NTNG1: variants seen among roughly 807,000 people sequenced by gnomAD.
NTNG1 encodes netrin G1.
A neutral mutation model predicts 54.0 loss-of-function variants in NTNG1; 16 were observed. The ratio of observed to expected loss-of-function variants is 0.30; its 90% CI spans 0.20 to 0.45. The LOEUF is 0.45. NTNG1 is among the 20% of genes least tolerant of loss of function. NTNG1 has a pLI of 1.00. For synonymous variants in NTNG1, 255 were observed against 263.1 expected (o/e 0.97, Z 0.30); for missense variants, 530 against 678.7 (o/e 0.78, Z 2.43).
intron 2 of NTNG1, among the ~76,000 whole-genome samples, chr1:107,275,524 T>C (rs1664411377): frequency 6.6e-6 from 1 of 151,958 alleles, no homozygotes; most frequent in South Asian, 2.1e-4. Context: ...CCAGTCTGAG[T>C]CCAAAGAGCT....
chr1:107,199,466 C>T (rs530666508), intron 2 of NTNG1, among the ~76,000 whole-genome samples: 11 of 151,966 alleles, frequency 7.2e-5, no homozygotes, highest in African/African-American at 2.7e-4. Flanking sequence ...CATTGCAAAA[C>T]ATTTGCTTAT....
At chr1:107,225,742 C>G (rs10881458) in intron 2 of NTNG1, among the ~76,000 whole-genome samples, 18,227 of 152,192 alleles carry the variant, frequency 0.12, 1,535 homozygotes, top group East Asian at 0.42. Flanking sequence ...CTAGGAAGTT[C>G]TCATGTGTGT....
At chr1:107,292,571 A>C (rs1340829973) in intron 2 of NTNG1, among the ~76,000 whole-genome samples, 1 of 152,120 alleles carries the variant, frequency 6.6e-6, no homozygotes, top group Non-Finnish European at 1.5e-5. Context: ...GCTGGTGATC[A>C]ACACTTTCCC....
At chr1:107,281,227 A>G (rs375356191) in intron 2 of NTNG1, among the ~76,000 whole-genome samples, 1 of 152,238 alleles carries the variant, frequency 6.6e-6, no homozygotes, top group African/African-American at 2.4e-5. Context: ...CTTCCACACA[A>G]TTATGTACAT....
At chr1:107,161,939 GA>G (rs5776880) in intron 2 of NTNG1, among the ~76,000 whole-genome samples, 3 of 147,012 alleles carry the variant, frequency 2.0e-5, no homozygotes, top group Non-Finnish European at 4.5e-5. Context: ...CCATCCTGGA[GA>G]AAAAAAAAAC....
At chr1:107,360,844 A>G (rs1268238748) in intron 3 of NTNG1, among the ~76,000 whole-genome samples, 1 of 152,114 alleles carries the variant, frequency 6.6e-6, no homozygotes, top group Non-Finnish European at 1.5e-5. Flanking sequence ...GTCACCAGTC[A>G]CTGAGTATCT....
intron 7 of NTNG1, among the ~76,000 whole-genome samples, chr1:107,462,136 G>A (rs1677317964): frequency 6.6e-6 from 1 of 152,178 alleles, no homozygotes; most frequent in African/African-American, 2.4e-5. Flanking sequence ...CTGAAGCAAG[G>A]ATGCACTTTT....
chr1:107,329,448 A>G (rs1483732658), intron 3 of NTNG1, among the ~76,000 whole-genome samples: 2 of 152,190 alleles, frequency 1.3e-5, no homozygotes, highest in Admixed American at 1.3e-4. Context: ...CAACTTCCAC[A>G]TGGTTAGTGC....
intron 3 of NTNG1, among the ~76,000 whole-genome samples, chr1:107,329,315 C>T (rs1433977915): frequency 6.6e-6 from 1 of 152,158 alleles, no homozygotes; most frequent in East Asian, 1.9e-4. Context: ...AGGAGTGAGG[C>T]AGGCCCCCTA....
At chr1:107,477,229 C>T (rs1487287087) in intron 7 of NTNG1, among the ~76,000 whole-genome samples, 1 of 152,164 alleles carries the variant, frequency 6.6e-6, no homozygotes, top group Non-Finnish European at 1.5e-5. Context: ...GAGGCTTAAA[C>T]CTCTAGGGAA....
chr1:107,444,458 C>G (rs1676186850), intron 7 of NTNG1, among the ~76,000 whole-genome samples: 1 of 152,098 alleles, frequency 6.6e-6, no homozygotes. Context: ...CCCACAGCTC[C>G]TGAATTGCTG....
chr1:107,357,515 T>C (rs967077080), intron 3 of NTNG1, among the ~76,000 whole-genome samples: 1 of 152,232 alleles, frequency 6.6e-6, no homozygotes, highest in Non-Finnish European at 1.5e-5. Flanking sequence ...CACAGACATT[T>C]CATAGTTCCT....
intron 2 of NTNG1, among the ~76,000 whole-genome samples, chr1:107,261,671 G>A (rs1019339737): frequency 3.9e-5 from 6 of 152,044 alleles, no homozygotes; most frequent in Non-Finnish European, 5.9e-5. Flanking sequence ...GTGAAACCCC[G>A]TCTCTACTAA....
chr1:107,402,882 T>A (rs1228414035), intron 4 of NTNG1, among the ~76,000 whole-genome samples: 2 of 152,152 alleles, frequency 1.3e-5, no homozygotes, highest in African/African-American at 4.8e-5. Flanking sequence ...AAACCATCTA[T>A]CACAACAGTG....
intron 2 of NTNG1, among the ~76,000 whole-genome samples, chr1:107,152,028 AT>A (rs1654608986): frequency 1.3e-5 from 2 of 150,458 alleles, no homozygotes; most frequent in African/African-American, 5.0e-5. Flanking sequence ...ATACATATAT[AT>A]ATACATACAT....
chr1:107,242,411 A>G (rs1661901934), intron 2 of NTNG1, among the ~76,000 whole-genome samples: 1 of 152,180 alleles, frequency 6.6e-6, no homozygotes, highest in Non-Finnish European at 1.5e-5. Flanking sequence ...AAGTATATCC[A>G]AACACCGTCT....
At chr1:107,159,921 A>T (rs776880498) in intron 2 of NTNG1, among the ~76,000 whole-genome samples, 2 of 152,212 alleles carry the variant, frequency 1.3e-5, no homozygotes, top group African/African-American at 2.4e-5. Context: ...ATATAAATGG[A>T]AATAAGCTGT....
intron 7 of NTNG1, among the ~76,000 whole-genome samples, chr1:107,454,751 C>A (rs994926634): frequency 6.6e-6 from 1 of 152,220 alleles, no homozygotes; most frequent in Non-Finnish European, 1.5e-5. Flanking sequence ...ACATCATCAT[C>A]ATGGCAGGCT....
chr1:107,339,375 C>A (rs1421151142), intron 3 of NTNG1, among the ~76,000 whole-genome samples: 1 of 151,996 alleles, frequency 6.6e-6, no homozygotes, highest in Admixed American at 6.6e-5. Context: ...CTGGCAACTG[C>A]CTTCTTAACC....
Sources: allele counts gnomAD v4.1 joint callset (sites outside exome capture counted in the v4.1 genomes callset), GRCh38; gene constraint gnomAD v4.1.1; transcripts MANE v1.5; gene names NCBI Gene and HGNC (gene_info 2026-07-23, HGNC 2026-07-21).